PPP1R10: variants seen among roughly 807,000 people sequenced by gnomAD.
PPP1R10 encodes serine/threonine-protein phosphatase 1 regulatory subunit 10.
In PPP1R10, 15 loss-of-function variants were observed where a neutral mutation model predicts 99.0. The observed-to-expected ratio is 0.15, with a 90% CI of 0.10 to 0.23. The LOEUF (loss-of-function observed/expected upper bound fraction) is 0.23, where lower values mean the gene tolerates loss of function less well. Ranked by LOEUF, PPP1R10 falls within the 10% of genes least tolerant of loss-of-function variation. The pLI, the probability that PPP1R10 is intolerant of heterozygous loss-of-function variation, is 1.00. For synonymous variants in PPP1R10, 430 were observed against 449.5 expected, an observed-to-expected ratio of 0.96 and a Z score of 0.55; for missense variants, 947 against 1,259.4, an observed-to-expected ratio of 0.75 and a Z score of 3.75.
intron 6 of PPP1R10, 134 bp downstream of exon 6, chr6:30,607,706 A>T: frequency 2.1e-6 from 2 of 964,400 alleles, no homozygotes; most frequent in Non-Finnish European, 3.2e-6. Flanking sequence ...CTTTCTCTTT[A>T]AAAGAAGGAA....
intron 2 of PPP1R10, among the ~76,000 whole-genome samples, chr6:30,615,673 A>C (rs1321013667): frequency 2.0e-5 from 3 of 152,042 alleles, no homozygotes. Flanking sequence ...CAACCTTTCC[A>C]CCCTCTATTT....
At position 30,601,961 on chromosome 6, in the gene PPP1R10, G is replaced by A. The variant is rs370688034; in HGVS notation, c.2688C>T (p.His896=). Residue 896 remains histidine, a synonymous_variant, in exon 19 of 20, where the codon CAC becomes CAT. Transcript: ENST00000376511. ...PGHGGGGHRG[H]DGGHSHGGDM... ...CTCCTCCATGGCTGTGGCCTCCATCGTGCCCTCGGTGGCCCCCTCCCCCGT... is the reference window on the plus strand; with the variant it reads ...CTCCTCCATGGCTGTGGCCTCCATCATGCCCTCGGTGGCCCCCTCCCCCGT... The A allele has an allele frequency of 6.8e-5, 102 of 1,510,964 alleles. No homozygotes were observed. The East Asian group carries it at 7.3e-4, about 11-fold the overall frequency. 93.6% of individuals were successfully genotyped at this position (1,510,964 alleles called of 1,614,324 possible).
At position 30,603,766 on chromosome 6, in the gene PPP1R10, G is replaced by A; in HGVS notation, c.1572+14C>T. 3 of 1,543,190 alleles carry A rather than the reference G, an allele frequency of 1.9e-6. No individual in the cohort carries two copies. The highest frequency in any genetic ancestry group is 2.6e-6 in the Non-Finnish European group (3 of 1,146,714). On this transcript the variant is annotated intron_variant, in intron 15 of 19. Coordinates refer to ENST00000376511, the MANE Select transcript of PPP1R10 (RefSeq NM_002714.4). ...GACCATCACAACTTCCATCATCACAGAACATTGACTTACCTCATCTAGGGG... is the reference window on the plus strand; with the variant it reads ...GACCATCACAACTTCCATCATCACAAAACATTGACTTACCTCATCTAGGGG...
intron 10 of PPP1R10, among the ~76,000 whole-genome samples, chr6:30,605,589 G>A (rs975122203): frequency 1.3e-5 from 2 of 152,044 alleles, no homozygotes; most frequent in African/African-American, 4.8e-5. Flanking sequence ...GGCCAGGTGC[G>A]GTGGCTCATG....
At position 30,606,874 on chromosome 6, in the gene PPP1R10, G is replaced by A. The variant is rs1252530437; in HGVS notation, c.383-18C>T. 2 of 1,593,084 alleles carry A rather than the reference G, an allele frequency of 1.3e-6. No individual in the cohort carries two copies. Among genetic ancestry groups the A allele is most frequent in the Non-Finnish European group, 1.7e-6 (2 of 1,161,444 alleles). On this transcript the variant is annotated intron_variant, in intron 6 of 19. Transcript: ENST00000376511. The surrounding 1 kb of genome is among the most constrained non-coding windows in gnomAD (Gnocchi z 6.3). ...CCGGAGCTCTGCAGGTGACAGAAAG[G>A]GGAAATGCCTAAATAATGTAAAGTA...
At chr6:30,607,928 G>A in intron 5 of PPP1R10, 37 bp from the exon 6 acceptor site, 1 of 1,601,170 alleles carries the variant, frequency 6.2e-7, no homozygotes, top group East Asian at 2.2e-5. Flanking sequence ...GTAAATGCCA[G>A]GAGGCAAATA....
At chr6:30,615,773 GAC>G (rs1760433324) in intron 2 of PPP1R10, among the ~76,000 whole-genome samples, 1 of 151,802 alleles carries the variant, frequency 6.6e-6, no homozygotes, top group Non-Finnish European at 1.5e-5. Context: ...ACAATTATAA[GAC>G]ATTCTTTACC....
At position 30,602,788 on chromosome 6, in the gene PPP1R10, T is replaced by C; in HGVS notation, c.1957+58A>G. On this transcript the variant is annotated intron_variant, in intron 18 of 19. Coordinates refer to ENST00000376511, the MANE Select transcript of PPP1R10 (RefSeq NM_002714.4). This position sits in a 1 kb window ranked among gnomAD's most constrained non-coding sequence, Gnocchi z 6.7. ...TCCCACCTTCCAGTCAATCCTATAC[T>C]ATTATCAGACTGAAATTAAGCAGAT... 5 of 1,546,946 alleles carry C rather than the reference T, an allele frequency of 3.2e-6. No homozygotes were observed. In the South Asian group the frequency reaches 5.9e-5, roughly 18 times the overall value.
Position 30,602,693 on chromosome 6 carries a change from T to C in PPP1R10, c.1958-2A>G. On this transcript the variant is annotated splice_acceptor_variant, in intron 18 of 19. Transcript: ENST00000376511. LOFTEE classifies it high-confidence loss of function. The surrounding 1 kb of genome is among the most constrained non-coding windows in gnomAD (Gnocchi z 6.7). ...GCCCACCAGGGCCTCCATGGGGACC[T>C]GTAAGGGGACAAAAAAGAGAGACAG... The C allele has an allele frequency of 6.2e-7, 1 of 1,605,436 alleles. No homozygotes were observed. The highest frequency in any genetic ancestry group is 8.5e-7 in the Non-Finnish European group (1 of 1,177,400).
rs1205045119 is a variant in PPP1R10 at position 30,601,969 on chromosome 6, G to T, written c.2680C>A (p.Arg894=). ...TGGCTGTGGCCTCCATCGTGCCCTCGGTGGCCCCCTCCCCCGTGGCCAGGA... is the reference window on the plus strand; with the variant it reads ...TGGCTGTGGCCTCCATCGTGCCCTCTGTGGCCCCCTCCCCCGTGGCCAGGA... The part of the protein sequence containing the change: ...DGPGHGGGGH[R]GHDGGHSHGG... Residue 894 remains arginine, a synonymous_variant, in exon 19 of 20, where the codon CGA becomes AGA. Coordinates refer to ENST00000376511, the MANE Select transcript of PPP1R10 (RefSeq NM_002714.4). The T allele has an allele frequency of 2.0e-6, 3 of 1,511,886 alleles. No individual in the cohort carries two copies. In the South Asian group the frequency reaches 4.0e-5, roughly 20 times the overall value. The allele number at this position is 1,511,886 out of a possible 1,614,324, so 93.7% of individuals were successfully genotyped here.
chr6:30,606,527 CTCT>C lies in PPP1R10; in HGVS notation c.572_574del (p.Lys191del). On this transcript the variant is annotated inframe_deletion, in exon 8 of 20. Coordinates refer to ENST00000376511, the MANE Select transcript of PPP1R10 (RefSeq NM_002714.4). The surrounding 1 kb of genome is among the most constrained non-coding windows in gnomAD (Gnocchi z 6.3). ...GGTGCGAAGAGACTTGGGCTTCTCCCTCTTCTTCTCTGGGGCCTCCTCAGCCCG... is the reference window on the plus strand; with the variant it reads ...GGTGCGAAGAGACTTGGGCTTCTCCCTCTTCTCTGGGGCCTCCTCAGCCCG... The C allele has an allele frequency of 6.2e-7, 1 of 1,614,022 alleles. No homozygotes were observed. Among genetic ancestry groups the C allele is most frequent in the African/African-American group, 1.3e-5 (1 of 75,042 alleles).
Position 30,601,646 on chromosome 6 carries a change from C to T in PPP1R10, c.2726G>A (p.Arg909His). Residue 909 changes from arginine to histidine, a missense_variant, in exon 20 of 20, where the codon CGC (arginine) becomes CAC (histidine). Transcript: ENST00000376511. The stretch of plus-strand genomic sequence containing the variant: ...CATCATGAAATGTCGGCAGACAGGG[C>T]GGTTTGACATGTCTGTGGGAACGAT... ...GHSHGGDMSN[R>H]PVCRHFMMKG... 2 of 1,613,900 alleles carry T rather than the reference C, an allele frequency of 1.2e-6. No individual in the cohort carries two copies. The highest frequency in any genetic ancestry group is 1.7e-6 in the Non-Finnish European group (2 of 1,179,928).
rs778549564 is a variant in PPP1R10, at chr6:30,603,580, C to G, written c.1659G>C (p.Lys553Asn). The change falls in exon 16 of 20, where the codon AAG becomes AAC. Residue 553 changes from lysine (K) to asparagine (N), a missense_variant. Lys to Asn is a moderately conservative substitution (Grantham distance 94). This residue lies in a region of PPP1R10 where 525 missense variants were observed against 578.8 expected (regional missense o/e 0.91). Transcript: ENST00000376511. Reference protein sequence around the residue: ...GGSPDGAGGSKLPPVLANLMG... With the variant: ...GGSPDGAGGSNLPPVLANLMG... ...TAAGATTGGCCAGAACTGGAGGCAA[C>G]TTGGAGCCTCCTGCCCCATCAGGTG... 1 of 1,614,094 alleles carries G rather than the reference C, an allele frequency of 6.2e-7. No homozygotes were observed. Among genetic ancestry groups the G allele is most frequent in the South Asian group, 1.1e-5 (1 of 91,072 alleles).
intron 2 of PPP1R10, among the ~76,000 whole-genome samples, chr6:30,613,328 T>A (rs559383716): frequency 6.6e-6 from 1 of 152,326 alleles, no homozygotes; most frequent in East Asian, 1.9e-4. Context: ...AAAAAATAAC[T>A]GTCTTCTAAC....
rs144225878 is a variant in PPP1R10 at position 30,610,332 on chromosome 6, G to A, written c.-11-377C>T. Reference sequence around the variant, plus strand: ...ACTCTCCAGGGCATTTACACCTATCGTTAAGTCCTGTCTTCCCTAGTTGCT... The same window carrying A: ...ACTCTCCAGGGCATTTACACCTATCATTAAGTCCTGTCTTCCCTAGTTGCT... On this transcript the variant is annotated intron_variant, in intron 2 of 19. Transcript: ENST00000376511. Among the ~76,000 whole-genome samples the A allele has an allele frequency of 1.3e-3, 197 of 152,268 alleles. 6 individuals are homozygous for A. The highest frequency in any genetic ancestry group is 0.011 in the East Asian group (56 of 5,174).
chr6:30,617,133 T>C (rs1760686599), intron 1 of PPP1R10, 91 bp downstream of exon 1: 1 of 152,916 alleles, frequency 6.5e-6, no homozygotes, highest in African/African-American at 2.4e-5. Context: ...GCCGTGGCTC[T>C]CAAATGAACC....
At position 30,602,140 on chromosome 6, in the gene PPP1R10, C is replaced by T. The variant is rs774265146; in HGVS notation, c.2509G>A (p.Gly837Arg). The T allele has an allele frequency of 9.9e-6, 16 of 1,609,304 alleles. No homozygotes were observed. The highest frequency in any genetic ancestry group is 1.1e-5 in the South Asian group (1 of 90,584). ...GGHRPHEGPG[G>R]SMGGSGGHRP... ...TGTCCACCACTTCCACCCATGCTTC[C>T]GCCAGGGCCTTCGTGGGGGCGATGT... The change falls in exon 19 of 20, where the codon GGA (glycine) becomes AGA (arginine). Residue 837 changes from glycine to arginine, a missense_variant. Coordinates refer to ENST00000376511, the MANE Select transcript of PPP1R10 (RefSeq NM_002714.4). This position sits in a 1 kb window ranked among gnomAD's most constrained non-coding sequence, Gnocchi z 6.7.
intron 2 of PPP1R10, among the ~76,000 whole-genome samples, chr6:30,611,584 G>A (rs1804562624): frequency 6.6e-6 from 1 of 152,172 alleles, no homozygotes; most frequent in Admixed American, 6.6e-5. Context: ...AAAAAACATA[G>A]CATAACAATC....
At chr6:30,614,296 T>C (rs1582676040) in intron 2 of PPP1R10, among the ~76,000 whole-genome samples, 1 of 151,794 alleles carries the variant, frequency 6.6e-6, no homozygotes, top group East Asian at 1.9e-4. Context: ...GGTGGCTCTT[T>C]GGGGAAAAAA....
Sources: allele counts gnomAD v4.1 joint callset (sites outside exome capture counted in the v4.1 genomes callset), GRCh38; gene constraint gnomAD v4.1.1; regional missense constraint gnomAD v4.1.1; non-coding constraint Gnocchi (gnomAD v3.1); transcripts MANE v1.5; gene names NCBI Gene and HGNC (gene_info 2026-07-23, HGNC 2026-07-21).